Variants in PDE6G observed in about 807,000 individuals in gnomAD.
The protein encoded by PDE6G is rod cGMP 3',5'-cyclic phosphodiesterase subunit gamma.
In PDE6G, 10 loss-of-function variants were observed where a neutral mutation model predicts 10.9. The ratio of observed to expected loss-of-function variants is 0.91; its 90% CI spans 0.56 to 1.55. The LOEUF (loss-of-function observed/expected upper bound fraction) is 1.55, where lower values mean the gene tolerates loss of function less well. PDE6G is among the 40% of genes most tolerant of loss of function. The pLI is 0.00. For synonymous variants in PDE6G, 41 were observed against 42.8 expected, an observed-to-expected ratio of 0.96 and a Z score of 0.16; for missense variants, 102 against 110.1, an observed-to-expected ratio of 0.93 and a Z score of 0.33.
chr17:81,651,655 GCCTTC>G lies in PDE6G; in HGVS notation c.172_176del (p.Glu58ProfsTer47). 6.2e-7 allele frequency: 1 copy of G among 1,614,024 alleles called. No individual in the cohort carries two copies. The highest frequency in any genetic ancestry group is 1.1e-5 in the South Asian group (1 of 91,076). ...TGGCAGCCGTCATACCTGTTCCCAG[GCCTTC>G]CATTCCAGGGATGTCGTCCCCAAAC... On this transcript the variant is annotated frameshift_variant, in exon 3 of 4. Coordinates refer to ENST00000331056, the MANE Select transcript of PDE6G (RefSeq NM_002602.4). LOFTEE classifies it high-confidence loss of function. The surrounding 1 kb of genome is among the most constrained non-coding windows in gnomAD (Gnocchi z 4.8).
intron 1 of PDE6G, among the ~76,000 whole-genome samples, chr17:81,662,654 T>C (rs960393639): frequency 3.9e-5 from 6 of 152,134 alleles, no homozygotes; most frequent in Admixed American, 3.9e-4. Flanking sequence ...CATTGAGGCC[T>C]GTCTCAGATA....
chr17:81,660,100 A>G (rs1169706027), upstream of PDE6G, among the ~76,000 whole-genome samples: 4 of 152,158 alleles, frequency 2.6e-5, no homozygotes, highest in South Asian at 4.2e-4. Context: ...AAAGAAAAGA[A>G]AAAAAGAAAA....
chr17:81,662,664 A>G (rs963501891), intron 1 of PDE6G, among the ~76,000 whole-genome samples: 50 of 152,128 alleles, frequency 3.3e-4, no homozygotes, highest in African/African-American at 1.2e-3. Context: ...TGTCTCAGAT[A>G]CTTTTGGTTT....
upstream of PDE6G, among the ~76,000 whole-genome samples, chr17:81,660,645 C>G (rs1010542263): frequency 6.6e-6 from 1 of 152,142 alleles, no homozygotes; most frequent in East Asian, 1.9e-4. Flanking sequence ...GTGCTCACCA[C>G]CACACCCGGC....
chr17:81,656,582 A>G (rs1016519135), upstream of PDE6G: 3 of 756,690 alleles, frequency 4.0e-6, no homozygotes, highest in African/African-American at 3.4e-5. Context: ...TCGCTGCTTC[A>G]TGAGCTGATT....
rs988400142 is a variant in PDE6G, at chr17:81,650,810, C to A, written c.*264G>T. The A allele has an allele frequency of 5.3e-6, 3 of 569,186 alleles. No homozygotes were observed. The highest frequency in any genetic ancestry group is 1.0e-5 in the Non-Finnish European group (3 of 300,362). The allele number at this position is 569,186 out of a possible 1,614,324, so 35.3% of individuals were successfully genotyped here. On this transcript the variant is annotated 3_prime_UTR_variant, in exon 4 of 4. Coordinates refer to ENST00000331056, the MANE Select transcript of PDE6G (RefSeq NM_002602.4). ...CTGGGAGTGGAGACCGACCAAGCCT[C>A]TCTGTGGGCAGGACTGAGGGGTGGG...
In PDE6G at chr17:81,653,222, A is replaced by G. The variant is rs757959100; in HGVS notation, c.84T>C (p.Pro28=). 1.2e-6 allele frequency: 2 copies of G among 1,613,950 alleles called. No individual in the cohort carries two copies. The highest frequency in any genetic ancestry group is 1.7e-5 in the Admixed American group (1 of 59,990). ...GCCTGGTCTGTCGCTGCTTAAATTT[A>G]GGGGGCCCTTTCCTGGGGGTGACAG... The part of the protein sequence containing the change: ...GGPVTPRKGP[P]KFKQRQTRQF... Residue 28 remains proline (P), a synonymous_variant, in exon 2 of 4, where the codon CCT becomes CCC. Transcript: ENST00000331056. This position sits in a 1 kb window ranked among gnomAD's most constrained non-coding sequence, Gnocchi z 5.2.
Position 81,653,450 on chromosome 17 carries a change from G to T in PDE6G, c.-59-86C>A. 3 of 886,394 alleles carry T rather than the reference G, an allele frequency of 3.4e-6. No homozygotes were observed. Among genetic ancestry groups the T allele is most frequent in the Non-Finnish European group, 3.5e-6 (2 of 576,526 alleles). The allele number at this position is 886,394 out of a possible 1,614,324, so 54.9% of individuals were successfully genotyped here. On this transcript the variant is annotated intron_variant, in intron 1 of 3. Coordinates refer to ENST00000331056, the MANE Select transcript of PDE6G (RefSeq NM_002602.4). This position sits in a 1 kb window ranked among gnomAD's most constrained non-coding sequence, Gnocchi z 5.2. ...CTCAACCCACCGGTGGAGGGGCTGA[G>T]ACCCAGCCCCGCCAGCTCCAGCGTC...
At chr17:81,662,483 C>T (rs59178598) in intron 1 of PDE6G, among the ~76,000 whole-genome samples, 13,283 of 152,058 alleles carry the variant, frequency 0.087, 833 homozygotes, top group East Asian at 0.21. Flanking sequence ...ATTAGCCAGA[C>T]GCTGTGGGGC....
chr17:81,651,041 G>T lies in PDE6G; in HGVS notation c.*33C>A, dbSNP rs763966921. ...AGGGTTTAGAGCACAGTGGGCAGGA[G>T]GGGGAGGGTCTGGACTTCAGCAGGG... On this transcript the variant is annotated 3_prime_UTR_variant, in exon 4 of 4. Coordinates refer to ENST00000331056, the MANE Select transcript of PDE6G (RefSeq NM_002602.4). The surrounding 1 kb of genome is among the most constrained non-coding windows in gnomAD (Gnocchi z 4.8). The T allele has an allele frequency of 1.3e-6, 2 of 1,494,718 alleles. No homozygotes were observed. The highest frequency in any genetic ancestry group is 1.7e-5 in the Admixed American group (1 of 59,844). The allele number at this position is 1,494,718 out of a possible 1,614,324, so 92.6% of individuals were successfully genotyped here.
intron 1 of PDE6G, among the ~76,000 whole-genome samples, chr17:81,661,632 G>A (rs1231670086): frequency 1.3e-5 from 2 of 151,994 alleles, no homozygotes; most frequent in Admixed American, 6.6e-5. Flanking sequence ...AGGCTGAGGC[G>A]GGTGAATCAC....
chr17:81,657,050 A>C (rs1383218112), upstream of PDE6G: 1 of 185,414 alleles, frequency 5.4e-6, no homozygotes, highest in African/African-American at 2.4e-5. Flanking sequence ...AGTTCCTTCA[A>C]GGGCAAGCCA....
Position 81,651,679 on chromosome 17 carries a change from C to T in PDE6G, c.153G>A (p.Gly51=), listed in dbSNP as rs773145285. ...GGCCTTCCATTCCAGGGATGTCGTC[C>T]CCAAACCTGCAAGGACAGAGCACTC... ...KPPKKGVQGF[G]DDIPGMEGLG... Residue 51 remains glycine, a synonymous_variant, in exon 3 of 4, where the codon GGG becomes GGA. Coordinates refer to ENST00000331056, the MANE Select transcript of PDE6G (RefSeq NM_002602.4). The surrounding 1 kb of genome is among the most constrained non-coding windows in gnomAD (Gnocchi z 4.8). 82 of 1,613,906 alleles carry T rather than the reference C, an allele frequency of 5.1e-5. No homozygotes were observed. In the South Asian group the frequency reaches 8.2e-4, roughly 16 times the overall value.
Position 81,651,042 on chromosome 17 carries a change from G to C in PDE6G, c.*32C>G. 1 of 1,504,122 alleles carries C rather than the reference G, an allele frequency of 6.6e-7. No individual in the cohort carries two copies. Among genetic ancestry groups the C allele is most frequent in the South Asian group, 1.1e-5 (1 of 88,860 alleles). 93.2% of individuals were successfully genotyped at this position (1,504,122 alleles called of 1,614,324 possible). ...GGGTTTAGAGCACAGTGGGCAGGAG[G>C]GGGAGGGTCTGGACTTCAGCAGGGC... is the stretch of plus-strand genomic sequence containing the variant. On this transcript the variant is annotated 3_prime_UTR_variant, in exon 4 of 4. Coordinates refer to ENST00000331056, the MANE Select transcript of PDE6G (RefSeq NM_002602.4). This position sits in a 1 kb window ranked among gnomAD's most constrained non-coding sequence, Gnocchi z 4.8.
At chr17:81,661,690 T>G (rs936975597) in intron 1 of PDE6G, among the ~76,000 whole-genome samples, 5 of 151,926 alleles carry the variant, frequency 3.3e-5, no homozygotes, top group Non-Finnish European at 7.4e-5. Context: ...TGAAAGCCCG[T>G]TGCTACTGAA....
At position 81,651,046 on chromosome 17, in the gene PDE6G, AGG is replaced by A. The variant is rs2036343963; in HGVS notation, c.*26_*27del. On this transcript the variant is annotated 3_prime_UTR_variant, in exon 4 of 4. Coordinates refer to ENST00000331056, the MANE Select transcript of PDE6G (RefSeq NM_002602.4). The surrounding 1 kb of genome is among the most constrained non-coding windows in gnomAD (Gnocchi z 4.8). ...TTAGAGCACAGTGGGCAGGAGGGGG[AGG>A]GTCTGGACTTCAGCAGGGCCTCGTG... 6.6e-7 allele frequency: 1 copy of A among 1,513,986 alleles called. No homozygotes were observed. The allele number at this position is 1,513,986 out of a possible 1,614,324, so 93.8% of individuals were successfully genotyped here. A position where few individuals can be genotyped will look rare whatever the true frequency, so the allele number is the denominator to read the frequency against.
At chr17:81,661,702 C>G (rs1208645662) in intron 1 of PDE6G, among the ~76,000 whole-genome samples, 1 of 151,824 alleles carries the variant, frequency 6.6e-6, no homozygotes, top group East Asian at 1.9e-4. Flanking sequence ...GCTACTGAAA[C>G]TACAAAAATT....
intron 1 of PDE6G, 48 bp downstream of exon 1, chr17:81,656,445 T>A: frequency 1.4e-6 from 1 of 735,918 alleles, no homozygotes; most frequent in Non-Finnish European, 2.5e-6. Context: ...ACTGACTCAC[T>A]GGGGGAAGTG....
intron 1 of PDE6G, among the ~76,000 whole-genome samples, chr17:81,662,314 A>T (rs1282284865): frequency 6.6e-6 from 1 of 152,078 alleles, no homozygotes; most frequent in Non-Finnish European, 1.5e-5. Context: ...TTCCCCAAAA[A>T]GTATTGAAAT....
Sources: allele counts gnomAD v4.1 joint callset (sites outside exome capture counted in the v4.1 genomes callset), GRCh38; gene constraint gnomAD v4.1.1; non-coding constraint Gnocchi (gnomAD v3.1); transcripts MANE v1.5; gene names NCBI Gene and HGNC (gene_info 2026-07-23, HGNC 2026-07-21).